FYB2: variants seen among roughly 807,000 people sequenced by gnomAD.
FYB2 encodes FYN binding protein 2, also known as FYN-binding protein 2.
A neutral mutation model predicts 94.1 loss-of-function variants in FYB2; 103 were observed. The observed-to-expected ratio is 1.09, with a 90% CI of 0.93 to 1.29. The LOEUF is 1.29. Among genes scored for constraint, FYB2 ranks in the 50% most tolerant of loss-of-function variants. FYB2 has a pLI of 0.00. For synonymous variants in FYB2, 293 were observed against 287.9 expected (o/e 1.02, Z -0.18); for missense variants, 896 against 841.5 (o/e 1.06, Z -0.80).
intron 1 of FYB2, among the ~76,000 whole-genome samples, chr1:56,802,951 G>A (rs1479681532): frequency 6.6e-6 from 1 of 152,122 alleles, no homozygotes; most frequent in Non-Finnish European, 1.5e-5. Flanking sequence ...TGTGTTAGCA[G>A]CCTCTCTATA....
intron 17 of FYB2, 146 bp from the exon 18 acceptor site, chr1:56,720,475 G>A: frequency 4.9e-6 from 3 of 617,860 alleles, no homozygotes; most frequent in Admixed American, 4.0e-5. Flanking sequence ...AGAGAAAATA[G>A]GAAAGTATGC....
intron 2 of FYB2, among the ~76,000 whole-genome samples, 182 bp from the exon 3 acceptor site, chr1:56,789,316 C>G (rs1392450714): frequency 6.6e-6 from 1 of 152,178 alleles, no homozygotes; most frequent in East Asian, 1.9e-4. Flanking sequence ...AGGATTTCCT[C>G]AGCATGACAT....
chr1:56,792,857 A>C, intron 1 of FYB2, 54 bp from the exon 2 acceptor site: 2 of 1,492,750 alleles, frequency 1.3e-6, no homozygotes, highest in Non-Finnish European at 1.8e-6. Context: ...AACAAACAAC[A>C]ACAACAAAAA....
At chr1:56,756,290 G>T (rs1021729078) in intron 6 of FYB2, among the ~76,000 whole-genome samples, 1 of 152,084 alleles carries the variant, frequency 6.6e-6, no homozygotes, top group Admixed American at 6.6e-5. Context: ...GGGCAAATTG[G>T]TATTCACAAG....
At chr1:56,755,479 A>G (rs983803297) in intron 7 of FYB2, among the ~76,000 whole-genome samples, 1 of 152,084 alleles carries the variant, frequency 6.6e-6, no homozygotes, top group Non-Finnish European at 1.5e-5. Context: ...TAAAAGAGCA[A>G]AGGCAAAGAG....
At chr1:56,796,698 T>C (rs1028315875) in intron 1 of FYB2, among the ~76,000 whole-genome samples, 2 of 152,146 alleles carry the variant, frequency 1.3e-5, no homozygotes, top group Non-Finnish European at 2.9e-5. Context: ...CAACGTCACA[T>C]TGGGCCTCCC....
intron 7 of FYB2, 40 bp from the exon 8 acceptor site, chr1:56,753,975 G>C (rs1372070083): frequency 7.6e-7 from 1 of 1,324,116 alleles, no homozygotes; most frequent in East Asian, 2.3e-5. Flanking sequence ...ATGAAGCTTA[G>C]AGTGTTTAAA....
the FYB2 span, chr1:56,826,615 A>C: frequency 6.6e-6 from 1 of 152,276 alleles, no homozygotes; most frequent in Non-Finnish European, 1.5e-5. Context: ...ATGCCCCTGC[A>C]TTGAGCCTTC....
intron 5 of FYB2, among the ~76,000 whole-genome samples, chr1:56,764,813 G>C (rs929352598): frequency 6.6e-6 from 1 of 152,074 alleles, no homozygotes; most frequent in Non-Finnish European, 1.5e-5. Flanking sequence ...CACAGTTCTG[G>C]AGGCTGGAAG....
Position 56,792,136 on chromosome 1 carries a change from T to C in FYB2, c.677A>G (p.Glu226Gly), listed in dbSNP as rs765641780. ...CGGGCTCCTCTCAGGAGGTGGGTTT[T>C]CCCAGCTTTTTCTGATATGTTGAGA... ...VISQHIRKSWENPPPERSPAS... is the reference protein window; with the variant it reads ...VISQHIRKSWGNPPPERSPAS... The change falls in exon 2 of 20, where the codon GAA becomes GGA. Residue 226 changes from glutamate (E) to glycine (G), a missense_variant. Coordinates refer to ENST00000343433, the MANE Select transcript of FYB2 (RefSeq NM_001004303.5). 10 of 1,613,894 alleles carry C rather than the reference T, an allele frequency of 6.2e-6. No individual in the cohort carries two copies. Among genetic ancestry groups the C allele is most frequent in the Non-Finnish European group, 6.8e-6 (8 of 1,179,942 alleles).
At chr1:56,733,229 T>A (rs1294161360) in intron 15 of FYB2, among the ~76,000 whole-genome samples, 1 of 152,126 alleles carries the variant, frequency 6.6e-6, no homozygotes, top group Non-Finnish European at 1.5e-5. Context: ...TAGAGGTGTT[T>A]ATAGTATTCT....
intron 14 of FYB2, among the ~76,000 whole-genome samples, 198 bp downstream of exon 14, chr1:56,738,427 T>C (rs1161222833): frequency 1.3e-5 from 2 of 152,126 alleles, no homozygotes; most frequent in Non-Finnish European, 2.9e-5. Context: ...GGGCATGGTA[T>C]GTAGTAGGTA....
chr1:56,748,552 G>T (rs1569972608), intron 9 of FYB2, among the ~76,000 whole-genome samples: 1 of 151,868 alleles, frequency 6.6e-6, no homozygotes. Flanking sequence ...AGATCATATG[G>T]TTGTACATGT....
chr1:56,751,166 A>G lies in FYB2; in HGVS notation c.1265T>C (p.Met422Thr), dbSNP rs1291442753. The change falls in exon 9 of 20, where the codon ATG becomes ACG. Residue 422 changes from methionine to threonine, a missense_variant. Coordinates refer to ENST00000343433, the MANE Select transcript of FYB2 (RefSeq NM_001004303.5). ...CCTTCTACCTGTGTGGACGTTGGTC[A>G]TCTGAATTTTTTCAGGTGTCCCTTC... ...ACEGTPEKIQ[M>T]TNVHTGRRNM... is the part of the protein sequence containing the mutation. 10 of 1,612,620 alleles carry G rather than the reference A, an allele frequency of 6.2e-6. No homozygotes were observed. Among genetic ancestry groups the G allele is most frequent in the East Asian group, 2.2e-5 (1 of 44,814 alleles).
chr1:56,762,249 T>G (rs915219098), intron 5 of FYB2, among the ~76,000 whole-genome samples: 2 of 152,194 alleles, frequency 1.3e-5, no homozygotes, highest in Admixed American at 1.3e-4. Flanking sequence ...CTTGTCTGTA[T>G]CTGCAGAAGA....
At chr1:56,798,617 A>T (rs2101013657) in intron 1 of FYB2, among the ~76,000 whole-genome samples, 1 of 152,276 alleles carries the variant, frequency 6.6e-6, no homozygotes, top group Admixed American at 6.5e-5. Flanking sequence ...CCTTTTATTC[A>T]ATGTTTATGT....
chr1:56,794,414 C>T (rs576872657), intron 1 of FYB2, among the ~76,000 whole-genome samples: 34 of 152,344 alleles, frequency 2.2e-4, no homozygotes, highest in Non-Finnish European at 3.2e-4. Context: ...ATAAGAGCCA[C>T]TATCCTCTCC....
At chr1:56,721,036 G>A (rs2100471908) in intron 17 of FYB2, among the ~76,000 whole-genome samples, 2 of 152,150 alleles carry the variant, frequency 1.3e-5, no homozygotes, top group African/African-American at 4.8e-5. Flanking sequence ...TTATTTCAAA[G>A]TAGTAGGAAT....
intron 4 of FYB2, among the ~76,000 whole-genome samples, chr1:56,771,131 T>C (rs1312294950): frequency 6.6e-6 from 1 of 152,116 alleles, no homozygotes; most frequent in Non-Finnish European, 1.5e-5. Context: ...GTAAATAGCT[T>C]TGAGAAACTT....
Sources: gnomAD v4.1 joint callset for allele counts (sites outside exome capture counted in the v4.1 genomes callset) on GRCh38, gnomAD v4.1.1 for gene constraint, MANE v1.5 for transcripts, NCBI Gene and HGNC (gene_info 2026-07-23, HGNC 2026-07-21) for gene names.